The following HK1 variants were observed in gnomAD, a reference collection of about 807,000 sequenced individuals.
The protein encoded by HK1 is hexokinase 1.
A neutral mutation model predicts 91.6 loss-of-function variants in HK1; 28 were observed. The observed-to-expected ratio is 0.31, with a 90% CI of 0.23 to 0.42. HK1 has a LOEUF of 0.42. Ranked by LOEUF, HK1 falls within the 10% of genes least tolerant of loss-of-function variation. The pLI is 1.00. For synonymous variants in HK1, 430 were observed against 468.1 expected, an observed-to-expected ratio of 0.92 and a Z score of 1.05; for missense variants, 770 against 1,219.8, an observed-to-expected ratio of 0.63 and a Z score of 5.49.
chr10:69,292,888 T>C (rs951642605), intron 3 of HK1, among the ~76,000 whole-genome samples: 1 of 152,172 alleles, frequency 6.6e-6, no homozygotes, highest in Non-Finnish European at 1.5e-5. Flanking sequence ...CTGTTCTGAC[T>C]TGGGGCTCCC....
At chr10:69,291,611 C>T (rs926687087) in intron 3 of HK1, among the ~76,000 whole-genome samples, 2 of 152,154 alleles carry the variant, frequency 1.3e-5, no homozygotes, top group Non-Finnish European at 2.9e-5. Flanking sequence ...AGGACTCTCT[C>T]ACTCCAGGAC....
At chr10:69,283,791 T>C in intron 2 of HK1, among the ~76,000 whole-genome samples, 1 of 86,822 alleles carries the variant, frequency 1.2e-5, no homozygotes, top group Admixed American at 1.4e-4. Context: ...AGAGTGAGAC[T>C]CTGTCTCAAA....
chr10:69,309,757 C>T (rs116195956), intron 5 of HK1, among the ~76,000 whole-genome samples: 2,070 of 149,800 alleles, frequency 0.014, 53 homozygotes, highest in African/African-American at 0.049. Flanking sequence ...GTTCAGATTG[C>T]ACCACTCGGC....
At chr10:69,310,249 CCTCT>C (rs1846305065) in intron 5 of HK1, among the ~76,000 whole-genome samples, 1 of 150,746 alleles carries the variant, frequency 6.6e-6, no homozygotes, top group South Asian at 2.1e-4. Flanking sequence ...GGCAAAACTC[CCTCT>C]CTATTAAAAA....
intron 1 of HK1, among the ~76,000 whole-genome samples, chr10:69,334,314 C>A (rs1847872158): frequency 6.6e-6 from 1 of 152,176 alleles, no homozygotes; most frequent in Non-Finnish European, 1.5e-5. Flanking sequence ...TCACACAGAC[C>A]TGTCACTGAG....
rs780640172 is a variant in HK1, at chr10:69,401,179, T to C, written c.*44T>C. ...CTACTGCCTCTCCAGCACTTCTCTC[T>C]TCAAGCGGCGACCCCCTACCCTCCC... On this transcript the variant is annotated 3_prime_UTR_variant, in exon 18 of 18. Coordinates refer to ENST00000359426, the MANE Select transcript of HK1 (RefSeq NM_000188.3). The C allele has an allele frequency of 3.5e-5, 56 of 1,590,494 alleles. 1 individual carries two copies. In the South Asian group the frequency reaches 5.1e-4, roughly 14 times the overall value.
intron 1 of HK1, among the ~76,000 whole-genome samples, chr10:69,340,885 C>T (rs1848252681): frequency 6.6e-6 from 1 of 152,146 alleles, no homozygotes; most frequent in African/African-American, 2.4e-5. Flanking sequence ...TCCAGGCACA[C>T]CGTCTGCTTG....
intron 3 of HK1, among the ~76,000 whole-genome samples, chr10:69,361,578 C>T (rs1849421208): frequency 1.3e-5 from 2 of 152,268 alleles, no homozygotes; most frequent in East Asian, 1.9e-4. Context: ...ACAAACATTC[C>T]CTGTGTGTTT....
At chr10:69,322,508 G>GA (rs1486534326) in intron 1 of HK1, among the ~76,000 whole-genome samples, 1 of 152,192 alleles carries the variant, frequency 6.6e-6, no homozygotes, top group Admixed American at 6.5e-5. Flanking sequence ...GAAGACAGGG[G>GA]AGAGTAGGCT....
intron 1 of HK1, among the ~76,000 whole-genome samples, chr10:69,329,303 T>C (rs1437598881): frequency 6.6e-6 from 1 of 152,016 alleles, no homozygotes; most frequent in Non-Finnish European, 1.5e-5. Context: ...GCTGGGACTA[T>C]AGGCGCATGC....
rs1204629599 is a variant in HK1, at chr10:69,384,811, G to A, written c.1735G>A (p.Val579Ile). The A allele has an allele frequency of 5.6e-6, 9 of 1,614,160 alleles. No homozygotes were observed. Among genetic ancestry groups the A allele is most frequent in the Non-Finnish European group, 6.8e-6 (8 of 1,180,022 alleles). ...GTGEELFDHI[V>I]SCISDFLDYM... ...TCCCCTGCAGCTGTTTGATCACATT[G>A]TCTCCTGCATCTCTGACTTCTTGGA... The change falls in exon 12 of 18, where the codon GTC (valine) becomes ATC (isoleucine). Residue 579 changes from valine (V) to isoleucine (I), a missense_variant. Around this residue, in one of 7 missense-constraint regions of HK1, gnomAD observed 48 missense variants for 128.2 expected, o/e 0.37. Coordinates refer to ENST00000359426, the MANE Select transcript of HK1 (RefSeq NM_000188.3).
intron 4 of HK1, among the ~76,000 whole-genome samples, chr10:69,296,026 C>A (rs1845547237): frequency 6.6e-6 from 1 of 152,192 alleles, no homozygotes; most frequent in South Asian, 2.1e-4. Context: ...AAGGGTCTCT[C>A]CCCTCCCGTC....
chr10:69,288,735 C>T (rs1845142225), exon 3 of HK1: 1 of 1,613,732 alleles, frequency 6.2e-7, no homozygotes, highest in Non-Finnish European at 8.5e-7. Flanking sequence ...AGCAAGTGCC[C>T]TCCCCACAAT....
At chr10:69,393,939 C>CA in intron 15 of HK1, among the ~76,000 whole-genome samples, 1 of 152,242 alleles carries the variant, frequency 6.6e-6, no homozygotes, top group East Asian at 1.9e-4. Flanking sequence ...GGTTAAAAAG[C>CA]GGGGGGATCA....
chr10:69,364,656 G>A, intron 3 of HK1, 127 bp from the exon 4 acceptor site: 1 of 1,186,740 alleles, frequency 8.4e-7, no homozygotes, highest in Middle Eastern at 2.0e-4. Context: ...CCAGGTCCCA[G>A]GAGTACGAGC....
chr10:69,338,844 G>A (rs185886032), intron 1 of HK1, among the ~76,000 whole-genome samples: 2 of 152,178 alleles, frequency 1.3e-5, no homozygotes, highest in East Asian at 1.9e-4. Context: ...TGGAGATGCT[G>A]TGGAGAGGAG....
intron 1 of HK1, among the ~76,000 whole-genome samples, chr10:69,331,605 T>C (rs1589496777): frequency 6.6e-6 from 1 of 152,226 alleles, no homozygotes; most frequent in African/African-American, 2.4e-5. Context: ...CTGGGCATGG[T>C]GGCTCACACC....
chr10:69,333,733 G>A (rs1182344464), intron 1 of HK1, among the ~76,000 whole-genome samples: 2 of 152,126 alleles, frequency 1.3e-5, no homozygotes, highest in Admixed American at 1.3e-4. Flanking sequence ...CTTACACATT[G>A]TGCAGATTTG....
intron 1 of HK1, among the ~76,000 whole-genome samples, chr10:69,341,236 C>T (rs1017365354): frequency 6.6e-6 from 1 of 150,990 alleles, no homozygotes; most frequent in Non-Finnish European, 1.5e-5. Flanking sequence ...ATCATAGCAC[C>T]CTGCAACCTC....
Sources: allele counts gnomAD v4.1 joint callset (sites outside exome capture counted in the v4.1 genomes callset), GRCh38; gene constraint gnomAD v4.1.1; regional missense constraint gnomAD v4.1.1; transcripts MANE v1.5; gene names NCBI Gene and HGNC (gene_info 2026-07-23, HGNC 2026-07-21).